CADM2: variants seen among roughly 807,000 people sequenced by gnomAD.
The protein encoded by CADM2 is immunoglobulin superfamily member 4D.
In CADM2, 12 loss-of-function variants were observed where a neutral mutation model predicts 49.8. The observed-to-expected ratio is 0.24, with a 90% CI of 0.15 to 0.39. The LOEUF (loss-of-function observed/expected upper bound fraction) is 0.39. Among genes scored for constraint, CADM2 ranks in the 10% least tolerant of loss-of-function variants. The pLI is 1.00. For synonymous variants in CADM2, 214 were observed against 175.4 expected (o/e 1.22, Z -1.74); for missense variants, 378 against 492.3 (o/e 0.77, Z 2.20).
chr3:85,703,396 T>C (rs961482536), intron 1 of CADM2, among the ~76,000 whole-genome samples: 1 of 152,154 alleles, frequency 6.6e-6, no homozygotes, highest in Non-Finnish European at 1.5e-5. Context: ...TAAAGTCTTA[T>C]ATGTACACAG....
At chr3:85,788,558 C>G (rs1011499537) in intron 2 of CADM2, among the ~76,000 whole-genome samples, 1 of 151,964 alleles carries the variant, frequency 6.6e-6, no homozygotes, top group African/African-American at 2.4e-5. Flanking sequence ...TAATTTTATG[C>G]TTCCAGAGTA....
At chr3:85,681,024 T>C (rs1220675688) in intron 1 of CADM2, among the ~76,000 whole-genome samples, 1 of 152,132 alleles carries the variant, frequency 6.6e-6, no homozygotes, top group Non-Finnish European at 1.5e-5. Context: ...AGACAGTAAA[T>C]GAGAAGAACC....
At chr3:85,258,129 C>A (rs991613223) in intron 1 of CADM2, among the ~76,000 whole-genome samples, 1 of 152,064 alleles carries the variant, frequency 6.6e-6, no homozygotes, top group African/African-American at 2.4e-5. Context: ...TTGTGTGAGG[C>A]AGCTCAGCCT....
intron 1 of CADM2, among the ~76,000 whole-genome samples, chr3:85,532,125 C>G (rs1347005447): frequency 6.6e-6 from 1 of 151,974 alleles, no homozygotes; most frequent in Non-Finnish European, 1.5e-5. Context: ...TGCAGTGAGC[C>G]GAGATCCCGC....
chr3:85,059,255 A>G (rs1444508072), intron 1 of CADM2, among the ~76,000 whole-genome samples: 1 of 151,948 alleles, frequency 6.6e-6, no homozygotes, highest in Non-Finnish European at 1.5e-5. Flanking sequence ...TAAATAAATA[A>G]AAGTAAAAAT....
At chr3:85,208,402 A>G (rs1183843066) in intron 1 of CADM2, among the ~76,000 whole-genome samples, 1 of 152,208 alleles carries the variant, frequency 6.6e-6, no homozygotes, top group Non-Finnish European at 1.5e-5. Context: ...AAAGTAGAGC[A>G]GCTTTAATAT....
chr3:85,046,646 CAATT>C (rs2035667459), intron 1 of CADM2, among the ~76,000 whole-genome samples: 1 of 151,764 alleles, frequency 6.6e-6, no homozygotes, highest in Non-Finnish European at 1.5e-5. Context: ...TGTTATGTGA[CAATT>C]AAAAATGACT....
intron 1 of CADM2, among the ~76,000 whole-genome samples, chr3:85,062,828 A>T (rs1231157028): frequency 1.1e-4 from 16 of 152,000 alleles, no homozygotes; most frequent in Non-Finnish European, 4.4e-5. Flanking sequence ...GAATTGTTTT[A>T]AAATTACATC....
At chr3:85,419,064 T>C (rs546296923) in intron 1 of CADM2, among the ~76,000 whole-genome samples, 1 of 152,298 alleles carries the variant, frequency 6.6e-6, no homozygotes, top group East Asian at 1.9e-4. Flanking sequence ...TAAACTGCCC[T>C]GATTTATGAA....
intron 1 of CADM2, among the ~76,000 whole-genome samples, chr3:85,082,225 G>A (rs149213979): frequency 1.3e-5 from 2 of 152,226 alleles, no homozygotes; most frequent in African/African-American, 2.4e-5. Context: ...CAGCAAAGAA[G>A]CATTGTAAGG....
At chr3:85,946,358 G>A (rs1323425999) in intron 7 of CADM2, among the ~76,000 whole-genome samples, 1 of 151,446 alleles carries the variant, frequency 6.6e-6, no homozygotes, top group East Asian at 2.0e-4. Flanking sequence ...TACTGCCCAA[G>A]GTAATTTATA....
intron 1 of CADM2, among the ~76,000 whole-genome samples, chr3:85,126,390 A>C (rs574750010): frequency 6.6e-6 from 1 of 152,152 alleles, no homozygotes; most frequent in Non-Finnish European, 1.5e-5. Flanking sequence ...AAGAAACAAT[A>C]ATATAGTATA....
intron 1 of CADM2, among the ~76,000 whole-genome samples, chr3:85,546,296 T>C (rs569051931): frequency 6.6e-6 from 1 of 152,282 alleles, no homozygotes; most frequent in African/African-American, 2.4e-5. Flanking sequence ...GATACTAAGG[T>C]TTGCTTGGAA....
At chr3:85,950,329 C>T (rs571523190) in intron 7 of CADM2, among the ~76,000 whole-genome samples, 1 of 151,278 alleles carries the variant, frequency 6.6e-6, no homozygotes, top group East Asian at 2.0e-4. Context: ...AAGAGATTAG[C>T]TTAGGCATTT....
intron 1 of CADM2, among the ~76,000 whole-genome samples, chr3:85,710,983 C>A (rs1212168468): frequency 6.6e-6 from 1 of 151,986 alleles, no homozygotes; most frequent in Non-Finnish European, 1.5e-5. Flanking sequence ...TGCAAATAAC[C>A]TGAATAAATT....
intron 1 of CADM2, among the ~76,000 whole-genome samples, chr3:85,391,967 T>TG (rs1325656883): frequency 1.3e-5 from 2 of 152,116 alleles, no homozygotes; most frequent in Non-Finnish European, 2.9e-5. Context: ...TTTGTACACT[T>TG]GCAAATGACA....
chr3:85,361,800 T>C (rs930957308), intron 1 of CADM2, among the ~76,000 whole-genome samples: 1 of 152,174 alleles, frequency 6.6e-6, no homozygotes, highest in Non-Finnish European at 1.5e-5. Flanking sequence ...CATGTCTGGA[T>C]GTAAGTGGAA....
At chr3:85,604,596 G>C (rs989886998) in intron 1 of CADM2, among the ~76,000 whole-genome samples, 1 of 151,944 alleles carries the variant, frequency 6.6e-6, no homozygotes, top group African/African-American at 2.4e-5. Context: ...ATGAATGGCT[G>C]ATGATTTATG....
chr3:85,225,819 A>T (rs1290671288), intron 1 of CADM2, among the ~76,000 whole-genome samples: 3 of 152,110 alleles, frequency 2.0e-5, no homozygotes, highest in Non-Finnish European at 4.4e-5. Context: ...AAGGGCTGAT[A>T]AATTTTGTTG....
Sources: gnomAD v4.1 joint callset for allele counts (sites outside exome capture counted in the v4.1 genomes callset) on GRCh38, gnomAD v4.1.1 for gene constraint, MANE v1.5 for transcripts, NCBI Gene and HGNC (gene_info 2026-07-23, HGNC 2026-07-21) for gene names.